THSD7A: variants seen among roughly 807,000 people sequenced by gnomAD.
THSD7A encodes the protein thrombospondin type 1 domain containing 7A.
A neutral mutation model predicts 231.3 loss-of-function variants in THSD7A; 96 were observed. That is an observed-to-expected ratio of 0.41 (90% CI 0.35 to 0.49). THSD7A has a LOEUF of 0.49. THSD7A is among the 20% of genes least tolerant of loss of function. The pLI is 0.05. For synonymous variants in THSD7A, 940 were observed against 743.3 expected (o/e 1.26, Z -4.30); for missense variants, 2,290 against 2,070.2 (o/e 1.11, Z -2.06).
intron 1 of THSD7A, among the ~76,000 whole-genome samples, chr7:11,745,156 C>T (rs2128162518): frequency 6.6e-6 from 1 of 152,226 alleles, no homozygotes; most frequent in South Asian, 2.1e-4. Context: ...GAGATGGTAT[C>T]TCATTGTGGT....
intron 1 of THSD7A, among the ~76,000 whole-genome samples, chr7:11,660,695 C>CA (rs1164863579): frequency 2.6e-5 from 4 of 151,282 alleles, no homozygotes; most frequent in African/African-American, 7.3e-5. Context: ...CCATATACCA[C>CA]AAAAAATTAC....
In THSD7A at chr7:11,769,122, A is replaced by ATATATAT. The variant is rs1491347103; in HGVS notation, c.190+62634_190+62635insATATATA. 9.7e-3 allele frequency among the ~76,000 whole-genome samples: 349 copies of ATATATAT among 35,836 alleles called. 82 individuals are homozygous for ATATATAT. The highest frequency in any genetic ancestry group is 0.013 in the Admixed American group (31 of 2,326). 23.5% of individuals were successfully genotyped at this position (35,836 alleles called of 152,430 possible). ...ACAGGCACCTGCCATAATTCCTGGC[A>ATATATAT]ATATATATATATATATATATATATA... is the stretch of plus-strand genomic sequence containing the variant. On this transcript the variant is annotated intron_variant, in intron 1 of 27. Coordinates refer to ENST00000423059, the MANE Select transcript of THSD7A (RefSeq NM_015204.3).
At chr7:11,691,536 T>C (rs1780230187) in intron 1 of THSD7A, among the ~76,000 whole-genome samples, 1 of 151,420 alleles carries the variant, frequency 6.6e-6, no homozygotes, top group East Asian at 2.0e-4. Flanking sequence ...TTATATTCTA[T>C]AATTCCTTTT....
chr7:11,553,145 G>A (rs946455973), intron 4 of THSD7A, among the ~76,000 whole-genome samples: 1 of 152,034 alleles, frequency 6.6e-6, no homozygotes, highest in African/African-American at 2.4e-5. Flanking sequence ...GCCTTCTTGA[G>A]GTTTGCTCAG....
intron 6 of THSD7A, among the ~76,000 whole-genome samples, chr7:11,520,842 A>T (rs535212075): frequency 6.6e-6 from 1 of 152,288 alleles, no homozygotes; most frequent in East Asian, 1.9e-4. Context: ...ATCAAATGTC[A>T]TTTTGGCATA....
At chr7:11,460,837 T>A (rs187325844) in intron 10 of THSD7A, 72 bp from the exon 11 acceptor site, 144 of 1,246,092 alleles carry the variant, frequency 1.2e-4, no homozygotes, top group Non-Finnish European at 1.5e-4. Context: ...CACAGCAGCA[T>A]GGAAACATGA....
chr7:11,403,578 T>C (rs1387077306), intron 22 of THSD7A, among the ~76,000 whole-genome samples: 8 of 152,342 alleles, frequency 5.3e-5, no homozygotes, highest in Non-Finnish European at 4.4e-5. Flanking sequence ...ATGAATGTAA[T>C]AAAATTTCAC....
chr7:11,615,010 G>T (rs1781058364), intron 2 of THSD7A, among the ~76,000 whole-genome samples: 1 of 152,148 alleles, frequency 6.6e-6, no homozygotes, highest in African/African-American at 2.4e-5. Flanking sequence ...TCCAAAGGAG[G>T]GAACTGATTA....
chr7:11,804,074 T>C (rs1038659800), intron 1 of THSD7A, among the ~76,000 whole-genome samples: 4 of 152,144 alleles, frequency 2.6e-5, no homozygotes, highest in African/African-American at 9.6e-5. Flanking sequence ...TTGGTTTATA[T>C]TTTATATTTC....
intron 1 of THSD7A, among the ~76,000 whole-genome samples, chr7:11,738,274 A>G (rs1271014264): frequency 6.6e-6 from 1 of 151,964 alleles, no homozygotes; most frequent in African/African-American, 2.4e-5. Context: ...ATTTCCTTTG[A>G]GCATAATGTT....
At chr7:11,434,214 T>C (rs1784562156) in intron 13 of THSD7A, among the ~76,000 whole-genome samples, 2 of 152,104 alleles carry the variant, frequency 1.3e-5, no homozygotes, top group Non-Finnish European at 2.9e-5. Context: ...TGGCATCTTA[T>C]AGCAATGTAT....
At chr7:11,485,914 A>G (rs567659870) in intron 6 of THSD7A, among the ~76,000 whole-genome samples, 2 of 152,362 alleles carry the variant, frequency 1.3e-5, no homozygotes, top group South Asian at 4.1e-4. Context: ...AGAATATGGA[A>G]TAATTAAATT....
chr7:11,425,536 T>C (rs1784289547), intron 15 of THSD7A, among the ~76,000 whole-genome samples: 1 of 152,058 alleles, frequency 6.6e-6, no homozygotes, highest in Admixed American at 6.6e-5. Context: ...AGTCCCACAT[T>C]TGGGGTGGTA....
rs1452984606 is a variant in THSD7A, at chr7:11,528,917, A to T, written c.1822+12502T>A. 2.6e-5 allele frequency among the ~76,000 whole-genome samples: 4 copies of T among 152,120 alleles called. No individual in the cohort carries two copies. The East Asian group carries it at 7.7e-4, about 29-fold the overall frequency. On this transcript the variant is annotated intron_variant, in intron 6 of 27. Coordinates refer to ENST00000423059, the MANE Select transcript of THSD7A (RefSeq NM_015204.3). ...TAAGTACCAGCGGTCTTAAAGTTTAAAGATTACTACAGCTTTCTTAATTAT... is the reference window on the plus strand; with the variant it reads ...TAAGTACCAGCGGTCTTAAAGTTTATAGATTACTACAGCTTTCTTAATTAT...
At chr7:11,499,453 G>C (rs1787242602) in intron 6 of THSD7A, among the ~76,000 whole-genome samples, 2 of 152,172 alleles carry the variant, frequency 1.3e-5, no homozygotes, top group South Asian at 4.1e-4. Context: ...GGAGTGCCAA[G>C]TTGTTCTTAA....
intron 1 of THSD7A, among the ~76,000 whole-genome samples, chr7:11,736,266 G>T (rs1362526717): frequency 6.6e-6 from 1 of 151,956 alleles, no homozygotes; most frequent in Non-Finnish European, 1.5e-5. Flanking sequence ...CACATGATAG[G>T]AGTAAGAGCA....
chr7:11,826,397 T>C (rs1336352608), intron 1 of THSD7A, among the ~76,000 whole-genome samples: 1 of 152,248 alleles, frequency 6.6e-6, no homozygotes, highest in African/African-American at 2.4e-5. Flanking sequence ...TAAAAGTTTA[T>C]GTATTCAACA....
At chr7:11,810,945 G>A (rs1000382822) in intron 1 of THSD7A, among the ~76,000 whole-genome samples, 4 of 152,122 alleles carry the variant, frequency 2.6e-5, no homozygotes, top group Non-Finnish European at 5.9e-5. Flanking sequence ...TCAGCCTTCT[G>A]CCAACTAAAA....
At chr7:11,580,565 A>G (rs1311212987) in intron 4 of THSD7A, among the ~76,000 whole-genome samples, 1 of 152,206 alleles carries the variant, frequency 6.6e-6, no homozygotes, top group Non-Finnish European at 1.5e-5. Context: ...TAAAAGAATG[A>G]AATCATATCC....
Sources: gnomAD v4.1 joint callset for allele counts (sites outside exome capture counted in the v4.1 genomes callset) on GRCh38, gnomAD v4.1.1 for gene constraint, MANE v1.5 for transcripts, NCBI Gene and HGNC (gene_info 2026-07-23, HGNC 2026-07-21) for gene names.